The following ING5 variants were observed in gnomAD, a reference collection of about 807,000 sequenced individuals.
ING5 encodes inhibitor of growth family member 5.
In ING5, 17 loss-of-function variants were observed where a neutral mutation model predicts 37.4. The observed-to-expected ratio is 0.45, with a 90% CI of 0.31 to 0.68. The LOEUF is 0.68. ING5 is among the 30% of genes least tolerant of loss of function. The pLI is 0.05. For synonymous variants in ING5, 123 were observed against 116.6 expected (o/e 1.06, Z -0.36); for missense variants, 233 against 311.9 (o/e 0.75, Z 1.91).
rs1056359882 is a variant in ING5 at position 241,726,330 on chromosome 2, C to T, written c.*1299C>T. 2 of 152,238 alleles carry T rather than the reference C, an allele frequency of 1.3e-5. No homozygotes were observed. The highest frequency in any genetic ancestry group is 4.8e-5 in the African/African-American group (2 of 41,456). 9.4% of individuals were successfully genotyped at this position (152,238 alleles called of 1,614,324 possible). The stretch of plus-strand genomic sequence containing the variant: ...TTTGGAATGACAGCCTCACTTCCTT[C>T]TGATGGCTACATCTGTATCTTTTCC... On this transcript the variant is annotated 3_prime_UTR_variant, in exon 8 of 8. Transcript: ENST00000313552.
intron 5 of ING5, among the ~76,000 whole-genome samples, chr2:241,712,970 C>T (rs1575131403): frequency 6.8e-6 from 1 of 147,618 alleles, no homozygotes; most frequent in Non-Finnish European, 1.5e-5. Context: ...CACTACATTC[C>T]AGCCTGGGCC....
chr2:241,700,150 GTTTT>G (rs780209565), upstream of ING5, among the ~76,000 whole-genome samples: 2 of 73,278 alleles, frequency 2.7e-5, no homozygotes, highest in African/African-American at 5.4e-5. Context: ...GCCCGGCTAA[GTTTT>G]TTTTTTTTTT....
chr2:241,702,079 T>C lies in ING5; in HGVS notation c.14T>C (p.Met5Thr). Residue 5 changes from methionine (M) to threonine (T), a missense_variant, in exon 1 of 8, where the codon ATG (methionine) becomes ACG (threonine). Met to Thr is a moderately conservative substitution (Grantham distance 81). Coordinates refer to ENST00000313552, the MANE Select transcript of ING5 (RefSeq NM_032329.6). Reference sequence around the variant, plus strand: ...CCGCGGACGAAGATGGCGACCGCCATGTACTTGGAGCACTATCTGGACAGT... The same window carrying C: ...CCGCGGACGAAGATGGCGACCGCCACGTACTTGGAGCACTATCTGGACAGT... MATA[M>T]YLEHYLDSIE... 7.2e-7 allele frequency: 1 copy of C among 1,389,358 alleles called. No homozygotes were observed. The highest frequency in any genetic ancestry group is 9.4e-7 in the Non-Finnish European group (1 of 1,066,238). The allele number at this position is 1,389,358 out of a possible 1,614,324, so 86.1% of individuals were successfully genotyped here. A position where few individuals can be genotyped will look rare whatever the true frequency, so the allele number is the denominator to read the frequency against.
intron 5 of ING5, chr2:241,721,443 G>C (rs2070433109): frequency 2.0e-6 from 2 of 985,536 alleles, no homozygotes; most frequent in Non-Finnish European, 2.4e-6. Context: ...GGGCGCCCCT[G>C]TGCCAGAGGG....
chr2:241,696,855 G>A (rs561224476), intron 2 of ING5, among the ~76,000 whole-genome samples: 9 of 151,372 alleles, frequency 5.9e-5, no homozygotes, highest in South Asian at 4.2e-4. Context: ...AGGCCGAGGC[G>A]GGCAGATCAC....
intron 1 of ING5, among the ~76,000 whole-genome samples, chr2:241,688,629 T>A (rs2069492407): frequency 6.6e-6 from 1 of 152,192 alleles, no homozygotes; most frequent in South Asian, 2.1e-4. Context: ...CTTTTATTGC[T>A]TTTATTTTAT....
intron 2 of ING5, chr2:241,708,948 C>A (rs997947477): frequency 1.6e-5 from 5 of 311,100 alleles, no homozygotes; most frequent in Admixed American, 1.5e-4. Context: ...GTTTGAGAGT[C>A]GAAGAAGGCA....
intron 5 of ING5, 115 bp from the exon 6 acceptor site, chr2:241,722,824 C>T: frequency 1.3e-6 from 2 of 1,539,052 alleles, no homozygotes; most frequent in South Asian, 2.4e-5. Context: ...GAATGATTGT[C>T]TTCACAGTTT....
intron 2 of ING5, among the ~76,000 whole-genome samples, chr2:241,706,625 C>CAAAA (rs770869002): frequency 9.1e-6 from 1 of 109,324 alleles, no homozygotes; most frequent in African/African-American, 3.4e-5. Flanking sequence ...AACTCCATCT[C>CAAAA]AAAAAAAAAA....
intron 5 of ING5, chr2:241,722,361 C>T (rs1231273744): frequency 7.2e-5 from 71 of 985,154 alleles, no homozygotes; most frequent in South Asian, 1.9e-4. Context: ...GAGGAGGGAC[C>T]GAGATGAGAG....
chr2:241,709,376 C>T lies in ING5; in HGVS notation c.270C>T (p.Tyr90=), dbSNP rs148910691. 29 of 1,612,222 alleles carry T rather than the reference C, an allele frequency of 1.8e-5. No homozygotes were observed. Among genetic ancestry groups the T allele is most frequent in the African/African-American group, 8.1e-5 (6 of 74,356 alleles). ...AAGTGCAGCTGGCCATGCAGACCTA[C>T]GAGATGGTGAGGGCGGGGCGGGGGC... ...DDKVQLAMQT[Y]EMVDKHIRRL... is the part of the protein sequence containing the mutation. Residue 90 remains tyrosine, a synonymous_variant, in exon 3 of 8, where the codon TAC becomes TAT. Coordinates refer to ENST00000313552, the MANE Select transcript of ING5 (RefSeq NM_032329.6).
chr2:241,700,185 G>C (rs1343718457), upstream of ING5, among the ~76,000 whole-genome samples: 14 of 108,630 alleles, frequency 1.3e-4, no homozygotes, highest in South Asian at 3.2e-4. Context: ...GGGACGGAGT[G>C]TTGCTCTGTC....
intron 5 of ING5, chr2:241,722,604 CT>C: frequency 3.0e-6 from 3 of 985,134 alleles, no homozygotes; most frequent in Non-Finnish European, 3.6e-6. Flanking sequence ...CTTGCTGCGC[CT>C]TCTTAGAACA....
At chr2:241,723,356 C>T in intron 7 of ING5, 85 bp downstream of exon 7, 2 of 1,408,424 alleles carry the variant, frequency 1.4e-6, no homozygotes, top group Non-Finnish European at 2.0e-6. Flanking sequence ...TGCTCCATGG[C>T]AGAATCTTGC....
At chr2:241,724,912 T>G in intron 7 of ING5, 77 bp from the exon 8 acceptor site, 5 of 1,476,100 alleles carry the variant, frequency 3.4e-6, no homozygotes, top group South Asian at 2.3e-5. Context: ...CTGGGAGACA[T>G]GGGGAGGCGG....
rs576829235 is a variant in ING5, at chr2:241,704,530, T to G, written c.38-123T>G. 2.2e-5 allele frequency: 17 copies of G among 770,766 alleles called. No individual in the cohort carries two copies. The East Asian group carries it at 4.5e-4, about 20-fold the overall frequency. The allele number at this position is 770,766 out of a possible 1,614,324, so 47.7% of individuals were successfully genotyped here. On this transcript the variant is annotated intron_variant, in intron 1 of 7. Coordinates refer to ENST00000313552, the MANE Select transcript of ING5 (RefSeq NM_032329.6). Reference sequence around the variant, plus strand: ...TTGCAGTGAGCCAAGATCGCACCACTGCACTCCAGCCTGGGCAACAAGAGT... The same window carrying G: ...TTGCAGTGAGCCAAGATCGCACCACGGCACTCCAGCCTGGGCAACAAGAGT...
intron 1 of ING5, among the ~76,000 whole-genome samples, chr2:241,688,523 T>C (rs35416933): frequency 0.4 from 60,651 of 152,154 alleles, 12,209 homozygotes; most frequent in Middle Eastern, 0.49. Flanking sequence ...GCTTTATGTT[T>C]TCCAGACTGA....
intron 1 of ING5, among the ~76,000 whole-genome samples, chr2:241,688,646 C>T (rs186440749): frequency 5.3e-4 from 81 of 152,136 alleles, no homozygotes; most frequent in Admixed American, 1.4e-3. Flanking sequence ...TTATTTGAGA[C>T]GGAGTCCTGC....
rs576228311 is a variant in ING5, at chr2:241,702,450, C to T, written c.37+348C>T. ...CTCATCTCCGCCCCCAGCTCCGGCCCCGGCCCCGCCAGGTCCCGCCCGTCC... is the reference window on the plus strand; with the variant it reads ...CTCATCTCCGCCCCCAGCTCCGGCCTCGGCCCCGCCAGGTCCCGCCCGTCC... On this transcript the variant is annotated intron_variant, in intron 1 of 7. Coordinates refer to ENST00000313552, the MANE Select transcript of ING5 (RefSeq NM_032329.6). Among the ~76,000 whole-genome samples the T allele has an allele frequency of 2.3e-3, 345 of 152,104 alleles. 1 individual carries two copies. The highest frequency in any genetic ancestry group is 8.2e-3 in the African/African-American group (339 of 41,552).
Sources: allele counts gnomAD v4.1 joint callset (sites outside exome capture counted in the v4.1 genomes callset), GRCh38; gene constraint gnomAD v4.1.1; transcripts MANE v1.5; gene names NCBI Gene and HGNC (gene_info 2026-07-23, HGNC 2026-07-21).